Variants in PCNT observed in about 807,000 individuals in gnomAD.
PCNT encodes the protein kendrin.
Under a neutral mutation model 380.4 loss-of-function variants are expected in PCNT, and 319 were observed. That is an observed-to-expected ratio of 0.84 (90% CI 0.77 to 0.92). PCNT has a LOEUF of 0.92. PCNT is among the 40% of genes least tolerant of loss of function. The probability of loss-of-function intolerance (pLI) is 0.00; values close to 1 mark genes in which losing one functional copy is unlikely to be tolerated. For synonymous variants in PCNT, 1,845 were observed against 1,735.2 expected (o/e 1.06, Z -1.57); for missense variants, 4,400 against 4,255.3 (o/e 1.03, Z -0.95).
intron 1 of PCNT, chr21:46,324,894 C>T (rs2146204261): frequency 1.0e-6 from 1 of 985,556 alleles, no homozygotes; most frequent in Non-Finnish European, 1.2e-6. Flanking sequence ...CGCGGCGTTG[C>T]AGTCCTTACT....
chr21:46,377,848 A>G (rs1263118632), intron 15 of PCNT, among the ~76,000 whole-genome samples: 1 of 138,972 alleles, frequency 7.2e-6, no homozygotes, highest in African/African-American at 2.9e-5. Context: ...TTGTCTCAAA[A>G]GATAATCAAT....
In PCNT at chr21:46,389,359, C is replaced by T. The variant is rs2085954548; in HGVS notation, c.3768C>T (p.Ile1256=). The change falls in exon 19 of 47, where the codon ATC becomes ATT. Residue 1256 remains isoleucine, a synonymous_variant. Transcript: ENST00000359568. ...GTGTGCGGGAGTGTGAGCAGCCCAT[C>T]CGGAGGGTCTTCCAGAGCCTCAGCC... The part of the protein sequence containing the change: ...PESVRECEQP[I]RRVFQSLSLA... 6.2e-7 allele frequency: 1 copy of T among 1,614,228 alleles called. No homozygotes were observed. Among genetic ancestry groups the T allele is most frequent in the Non-Finnish European group, 8.5e-7 (1 of 1,180,036 alleles).
chr21:46,380,195 T>A (rs2085478384), intron 15 of PCNT, among the ~76,000 whole-genome samples: 1 of 118,684 alleles, frequency 8.4e-6, no homozygotes, highest in Non-Finnish European at 1.6e-5. Flanking sequence ...AGACAGAGTC[T>A]CTGTCGCCCA....
rs373738288 is a variant in PCNT, at chr21:46,431,594, C to T, written c.8130C>T (p.His2710=). 93 of 1,614,062 alleles carry T rather than the reference C, an allele frequency of 5.8e-5. No homozygotes were observed. The highest frequency in any genetic ancestry group is 2.3e-4 in the Admixed American group (14 of 60,022). Residue 2710 remains histidine, a synonymous_variant, in exon 38 of 47, where the codon CAC becomes CAT. Transcript: ENST00000359568. ...QSSRLCVALK[H]EQTAKDNLQK... ...GTCGACTCTGCGTGGCACTGAAACA[C>T]GAGCAGACGGCCAAGGACAACCTGC...
intron 15 of PCNT, among the ~76,000 whole-genome samples, chr21:46,371,039 AAT>A (rs1223837283): frequency 1.3e-5 from 2 of 151,970 alleles, no homozygotes; most frequent in African/African-American, 4.8e-5. Flanking sequence ...CGTCTCAAAA[AAT>A]ATATATATGA....
At chr21:46,392,616 G>A (rs1247254587) in intron 21 of PCNT, among the ~76,000 whole-genome samples, 2 of 152,178 alleles carry the variant, frequency 1.3e-5, no homozygotes, top group Non-Finnish European at 2.9e-5. Flanking sequence ...GTGCCTCCTC[G>A]TGGTGCCCCA....
chr21:46,366,910 T>G lies in PCNT; in HGVS notation c.2936T>G (p.Phe979Cys), dbSNP rs2084949164. The G allele has an allele frequency of 1.2e-6, 2 of 1,614,218 alleles. No individual in the cohort carries two copies. Among genetic ancestry groups the G allele is most frequent in the Non-Finnish European group, 1.7e-6 (2 of 1,180,030 alleles). Reference sequence around the variant, plus strand: ...TTGGAATCCTGTTACCTCTCTGAATTTCAGACCATCCGTGAGGAGCACAGG... The same window carrying G: ...TTGGAATCCTGTTACCTCTCTGAATGTCAGACCATCCGTGAGGAGCACAGG... ...DSLESCYLSE[F>C]QTIREEHRQA... The change falls in exon 15 of 47, where the codon TTT (phenylalanine) becomes TGT (cysteine). Residue 979 changes from phenylalanine to cysteine, a missense_variant. By Grantham distance (205) the Phe-to-Cys change is radical. Transcript: ENST00000359568.
At chr21:46,428,328 A>T (rs1746184644) in intron 34 of PCNT, 67 bp from the exon 35 acceptor site, 4 of 1,444,846 alleles carry the variant, frequency 2.8e-6, no homozygotes, top group Non-Finnish European at 2.9e-6. Context: ...GAGGGCGGGC[A>T]GCAGGGAAGG....
Position 46,416,513 on chromosome 21 carries a change from G to A in PCNT, c.6595G>A (p.Gly2199Ser), listed in dbSNP as rs2087032506. The change falls in exon 30 of 47, where the codon GGC becomes AGC. Residue 2199 changes from glycine to serine, a missense_variant. Transcript: ENST00000359568. ...SLSSPTSVLGGSRHQSHTAEA... is the reference protein window; with the variant it reads ...SLSSPTSVLGSSRHQSHTAEA... ...TTCTTCACCGACCAGCGTACTTGGT[G>A]GCTCCCGCCACCAGAGCCACACTGC... 6.2e-7 allele frequency: 1 copy of A among 1,613,686 alleles called. No individual in the cohort carries two copies. The highest frequency in any genetic ancestry group is 1.3e-5 in the African/African-American group (1 of 74,930).
At chr21:46,433,779 A>AT (rs949824840) in intron 38 of PCNT, among the ~76,000 whole-genome samples, 24 of 150,092 alleles carry the variant, frequency 1.6e-4, no homozygotes, top group African/African-American at 4.4e-4. Flanking sequence ...TTATTTATTA[A>AT]TTTTTTTTTT....
At chr21:46,424,882 G>C (rs1197164436) in intron 32 of PCNT, among the ~76,000 whole-genome samples, 1 of 152,132 alleles carries the variant, frequency 6.6e-6, no homozygotes, top group Non-Finnish European at 1.5e-5. Flanking sequence ...TCAGTTGTTA[G>C]AGATGAACAT....
chr21:46,427,540 A>C, intron 33 of PCNT, 82 bp from the exon 34 acceptor site: 2 of 1,537,252 alleles, frequency 1.3e-6, no homozygotes, highest in Non-Finnish European at 1.8e-6. Context: ...CCCATCTCCA[A>C]ACGCAGTCAC....
At chr21:46,326,041 C>T (rs1601732967) in intron 1 of PCNT, among the ~76,000 whole-genome samples, 2 of 152,244 alleles carry the variant, frequency 1.3e-5, no homozygotes, top group South Asian at 4.1e-4. Context: ...CATTTTAAAA[C>T]TTAAATATGC....
chr21:46,434,971 G>A (rs953855498), intron 38 of PCNT, among the ~76,000 whole-genome samples: 3 of 145,014 alleles, frequency 2.1e-5, no homozygotes, highest in African/African-American at 8.6e-5. Context: ...CCTGATGAAA[G>A]CCTGATAGTT....
intron 3 of PCNT, among the ~76,000 whole-genome samples, chr21:46,338,898 A>G (rs2083835279): frequency 6.6e-6 from 1 of 152,140 alleles, no homozygotes; most frequent in Non-Finnish European, 1.5e-5. Flanking sequence ...CTCCCGCCTC[A>G]GCCTCCCGAG....
chr21:46,336,450 G>C (rs2083738177), intron 3 of PCNT, among the ~76,000 whole-genome samples: 1 of 152,196 alleles, frequency 6.6e-6, no homozygotes. Flanking sequence ...TCACAGCTTA[G>C]TGTAGCCTCA....
intron 28 of PCNT, among the ~76,000 whole-genome samples, chr21:46,412,346 T>C (rs2086816897): frequency 6.6e-6 from 1 of 152,234 alleles, no homozygotes; most frequent in Non-Finnish European, 1.5e-5. Context: ...ATAGGGACTG[T>C]CCAGTGAAAC....
In PCNT at chr21:46,326,365, A is replaced by G. The variant is rs749706341; in HGVS notation, c.55-12A>G. On this transcript the variant is annotated splice_polypyrimidine_tract_variant and intron_variant, in intron 1 of 46. Coordinates refer to ENST00000359568, the MANE Select transcript of PCNT (RefSeq NM_006031.6). ...ACCTTTGCCTTTACTACTTATCTAC[A>G]TTTTTGCGCAGCTTGCTCACTTCCG... 1.2e-6 allele frequency: 2 copies of G among 1,613,732 alleles called. No individual in the cohort carries two copies. The highest frequency in any genetic ancestry group is 1.7e-5 in the Admixed American group (1 of 59,980).
chr21:46,396,297 G>A (rs1384394970), intron 21 of PCNT, among the ~76,000 whole-genome samples: 9 of 152,206 alleles, frequency 5.9e-5, no homozygotes, highest in Admixed American at 5.2e-4. Flanking sequence ...AGGCTAGAAA[G>A]CCTAAGGTCA....
Sources: allele counts gnomAD v4.1 joint callset (sites outside exome capture counted in the v4.1 genomes callset), GRCh38; gene constraint gnomAD v4.1.1; transcripts MANE v1.5; gene names NCBI Gene and HGNC (gene_info 2026-07-23, HGNC 2026-07-21).